ARID4A: variants seen among roughly 807,000 people sequenced by gnomAD.
ARID4A encodes AT-rich interactive domain-containing protein 4A.
Under a neutral mutation model 148.6 loss-of-function variants are expected in ARID4A, and 39 were observed. That is an observed-to-expected ratio of 0.26 (90% CI 0.20 to 0.34). The LOEUF (loss-of-function observed/expected upper bound fraction) is 0.34. ARID4A is among the 10% of genes least tolerant of loss of function. ARID4A has a pLI of 1.00. For missense variants in ARID4A, 1,265 were observed against 1,449.1 expected (o/e 0.87, Z 2.06); for synonymous variants, 475 against 481.2 (o/e 0.99, Z 0.17).
At chr14:58,321,820 A>G (rs1449642719) in intron 7 of ARID4A, among the ~76,000 whole-genome samples, 4 of 152,172 alleles carry the variant, frequency 2.6e-5, no homozygotes, top group Non-Finnish European at 5.9e-5. Context: ...AACTACATTT[A>G]TGTACATTAA....
intron 8 of ARID4A, among the ~76,000 whole-genome samples, chr14:58,325,354 T>A (rs558194762): frequency 6.6e-6 from 1 of 152,276 alleles, no homozygotes; most frequent in African/African-American, 2.4e-5. Context: ...TGATCACGGC[T>A]CACTGCAGCC....
At chr14:58,310,703 G>A (rs2031958982) in intron 5 of ARID4A, among the ~76,000 whole-genome samples, 1 of 151,338 alleles carries the variant, frequency 6.6e-6, no homozygotes, top group East Asian at 1.9e-4. Flanking sequence ...TATGACACTG[G>A]CCCGGGCATT....
chr14:58,314,682 G>A (rs1333607056), intron 5 of ARID4A, among the ~76,000 whole-genome samples: 7 of 151,960 alleles, frequency 4.6e-5, no homozygotes, highest in African/African-American at 1.7e-4. Flanking sequence ...TCCTGCCTTG[G>A]CTTCCCAAAG....
intron 19 of ARID4A, among the ~76,000 whole-genome samples, chr14:58,363,517 T>C (rs1314813567): frequency 6.6e-6 from 1 of 152,088 alleles, no homozygotes; most frequent in African/African-American, 2.4e-5. Flanking sequence ...CTGGCCAACA[T>C]AGCAAAACCC....
At chr14:58,337,246 T>TTTTATATATATATATATATATATATATA (rs1555361740) in intron 11 of ARID4A, among the ~76,000 whole-genome samples, 2 of 83,816 alleles carry the variant, frequency 2.4e-5, no homozygotes, top group South Asian at 4.0e-4. Flanking sequence ...TTCTCTTTAT[T>TTTTATATATATATATATATATATATATA]TATATATATA....
intron 22 of ARID4A, among the ~76,000 whole-genome samples, chr14:58,366,605 T>C (rs1240392350): frequency 6.6e-6 from 1 of 152,192 alleles, no homozygotes; most frequent in East Asian, 1.9e-4. Flanking sequence ...ACTATAATTA[T>C]AGATAGGTCA....
chr14:58,327,840 T>G (rs1452204733), intron 8 of ARID4A, among the ~76,000 whole-genome samples: 7 of 151,898 alleles, frequency 4.6e-5, no homozygotes, highest in African/African-American at 1.5e-4. Flanking sequence ...CCAGGCTAAT[T>G]TTTGGTATTT....
chr14:58,371,558 A>G (rs2035615714), intron 23 of ARID4A, among the ~76,000 whole-genome samples: 1 of 152,156 alleles, frequency 6.6e-6, no homozygotes, highest in Non-Finnish European at 1.5e-5. Context: ...ATATGGTTCC[A>G]TGTTTATCTC....
chr14:58,306,575 G>A (rs2031618932), intron 5 of ARID4A, among the ~76,000 whole-genome samples: 1 of 152,180 alleles, frequency 6.6e-6, no homozygotes, highest in South Asian at 2.1e-4. Context: ...CAGTGTGGGT[G>A]CTCATATTAA....
intron 2 of ARID4A, among the ~76,000 whole-genome samples, chr14:58,300,728 G>T (rs939798888): frequency 6.6e-6 from 1 of 150,558 alleles, no homozygotes; most frequent in South Asian, 2.1e-4. Context: ...ACTTCAAAAC[G>T]TATCTCCAAA....
At chr14:58,308,108 A>G (rs559596156) in intron 5 of ARID4A, among the ~76,000 whole-genome samples, 1 of 152,364 alleles carries the variant, frequency 6.6e-6, no homozygotes, top group South Asian at 2.1e-4. Flanking sequence ...AATTATGAAT[A>G]GCAACCTTTG....
chr14:58,335,282 C>G (rs746824310), intron 11 of ARID4A, among the ~76,000 whole-genome samples: 3 of 150,350 alleles, frequency 2.0e-5, no homozygotes, highest in Admixed American at 6.6e-5. Flanking sequence ...TAGCTCAAGA[C>G]ATTTATATCA....
intron 9 of ARID4A, among the ~76,000 whole-genome samples, chr14:58,328,862 G>C (rs1446137200): frequency 6.6e-6 from 1 of 151,714 alleles, no homozygotes; most frequent in Non-Finnish European, 1.5e-5. Context: ...GTGTGGTGGT[G>C]CATGCCTGTA....
At chr14:58,367,344 T>G (rs1594972016) in intron 23 of ARID4A, among the ~76,000 whole-genome samples, 1 of 152,236 alleles carries the variant, frequency 6.6e-6, no homozygotes, top group African/African-American at 2.4e-5. Flanking sequence ...GGCACTGTAT[T>G]TGTTATGGGG....
In ARID4A at chr14:58,318,780, A is replaced by G; in HGVS notation, c.424A>G (p.Arg142Gly). ...GTPVIAKKTN[R>G]GRRSSLPVTE... ...TCCAGTAATTGCAAAGAAGACGAAC[A>G]GAGGAAGGAGATCTTCTCTTCCTGT... Residue 142 changes from arginine (R) to glycine (G), a missense_variant, in exon 7 of 24, where the codon AGA (arginine) becomes GGA (glycine). By Grantham distance (125) the Arg-to-Gly change is moderately radical (BLOSUM62 -2). Around this residue, in one of 9 missense-constraint regions of ARID4A, gnomAD observed 249 missense variants for 277.2 expected, o/e 0.90. Coordinates refer to ENST00000355431, the MANE Select transcript of ARID4A (RefSeq NM_002892.4). The G allele has an allele frequency of 6.2e-7, 1 of 1,613,772 alleles. No homozygotes were observed. Among genetic ancestry groups the G allele is most frequent in the Non-Finnish European group, 8.5e-7 (1 of 1,179,684 alleles).
intron 5 of ARID4A, among the ~76,000 whole-genome samples, chr14:58,317,740 G>A (rs1301438053): frequency 7.5e-6 from 1 of 133,900 alleles, no homozygotes; most frequent in Non-Finnish European, 1.5e-5. Context: ...TCAAGCAATC[G>A]TTCCACCATG....
At chr14:58,358,729 C>T (rs1348556907) in intron 17 of ARID4A, among the ~76,000 whole-genome samples, 6 of 152,140 alleles carry the variant, frequency 3.9e-5, no homozygotes, top group African/African-American at 1.2e-4. Flanking sequence ...TGAAACTGAT[C>T]ACCTTGCAAA....
intron 23 of ARID4A, among the ~76,000 whole-genome samples, chr14:58,371,085 T>A (rs1222799284): frequency 2.6e-5 from 4 of 152,028 alleles, no homozygotes; most frequent in African/African-American, 7.2e-5. Flanking sequence ...AGTCCAGGTG[T>A]TTGAGACCAG....
chr14:58,317,534 G>A lies in ARID4A; in HGVS notation c.275-1008G>A, dbSNP rs149054843. Reference sequence around the variant, plus strand: ...ATTTCCTGACCTGACCTCGTGATCCGCCCACCTCGCCTCCCAAAGTGCTGG... The same window carrying A: ...ATTTCCTGACCTGACCTCGTGATCCACCCACCTCGCCTCCCAAAGTGCTGG... On this transcript the variant is annotated intron_variant, in intron 5 of 23. Transcript: ENST00000355431. Among the ~76,000 whole-genome samples the A allele has an allele frequency of 5.4e-5, 8 of 149,236 alleles. No individual in the cohort carries two copies. The East Asian group carries it at 9.9e-4, about 19-fold the overall frequency.
Sources: gnomAD v4.1 joint callset for allele counts (sites outside exome capture counted in the v4.1 genomes callset) on GRCh38, gnomAD v4.1.1 for gene constraint, gnomAD v4.1.1 regional missense constraint, MANE v1.5 for transcripts, NCBI Gene and HGNC (gene_info 2026-07-23, HGNC 2026-07-21) for gene names.